The following RSU1 variants were observed in gnomAD, a reference collection of about 807,000 sequenced individuals.
RSU1 encodes the protein rsu-1.
Under a neutral mutation model 31.1 loss-of-function variants are expected in RSU1, and 26 were observed. That is an observed-to-expected ratio of 0.84 (90% CI 0.61 to 1.16). RSU1 has a LOEUF of 1.16. RSU1 is among the 50% of genes most tolerant of loss of function. The probability of loss-of-function intolerance (pLI) is 0.00; values close to 1 mark genes in which losing one functional copy is unlikely to be tolerated. For missense variants in RSU1, 320 were observed against 339.1 expected (o/e 0.94, Z 0.44); for synonymous variants, 164 against 136.3 (o/e 1.20, Z -1.41).
chr10:16,707,215 G>C (rs991629273), intron 7 of RSU1, among the ~76,000 whole-genome samples: 3 of 152,148 alleles, frequency 2.0e-5, no homozygotes, highest in Non-Finnish European at 2.9e-5. Flanking sequence ...GGGAGTTGAA[G>C]TTTTCTCTTC....
intron 8 of RSU1, among the ~76,000 whole-genome samples, chr10:16,620,106 C>T (rs181694752): frequency 8.4e-4 from 128 of 152,222 alleles, no homozygotes; most frequent in African/African-American, 2.8e-3. Context: ...AAATATTCTG[C>T]TTTATCAGAA....
At chr10:16,817,239 T>TGGGGTAGGGCCGG in intron 1 of RSU1, 76 bp downstream of exon 1, 1 of 607,102 alleles carries the variant, frequency 1.6e-6, no homozygotes, top group Non-Finnish European at 3.0e-6. Flanking sequence ...GGGGAGGGGA[T>TGGGGTAGGGCCGG]GGAGTGGGAA....
chr10:16,745,243 G>A (rs539353659), intron 7 of RSU1, among the ~76,000 whole-genome samples: 1 of 152,288 alleles, frequency 6.6e-6, no homozygotes, highest in African/African-American at 2.4e-5. Flanking sequence ...CTGAGCAGCT[G>A]TACTCATTCC....
intron 7 of RSU1, among the ~76,000 whole-genome samples, chr10:16,732,718 C>T (rs1430114501): frequency 6.6e-6 from 1 of 152,228 alleles, no homozygotes; most frequent in Non-Finnish European, 1.5e-5. Context: ...ACTGCAGTGA[C>T]ACCTGGTGTT....
At chr10:16,657,673 G>A (rs760747015) in intron 8 of RSU1, among the ~76,000 whole-genome samples, 1 of 151,410 alleles carries the variant, frequency 6.6e-6, no homozygotes, top group Non-Finnish European at 1.5e-5. Context: ...CCTCCAGACA[G>A]CTTTGAACCC....
At chr10:16,607,978 A>C (rs747302080) in intron 8 of RSU1, among the ~76,000 whole-genome samples, 6 of 152,128 alleles carry the variant, frequency 3.9e-5, no homozygotes, top group Non-Finnish European at 7.4e-5. Context: ...TTACAGGCAC[A>C]TACCACCACA....
At chr10:16,645,755 C>T (rs144627580) in intron 8 of RSU1, among the ~76,000 whole-genome samples, 3,472 of 149,840 alleles carry the variant, frequency 0.023, 75 homozygotes, top group Middle Eastern at 0.038. Flanking sequence ...TGCAGTAAGC[C>T]GAGATCACGC....
chr10:16,773,474 G>A (rs1480242449), intron 3 of RSU1, among the ~76,000 whole-genome samples: 2 of 152,138 alleles, frequency 1.3e-5, no homozygotes, highest in Non-Finnish European at 2.9e-5. Context: ...AGAGCCACAG[G>A]AACGCTTCGT....
At chr10:16,711,137 A>AGTTT (rs1477263375) in intron 7 of RSU1, among the ~76,000 whole-genome samples, 20 of 152,164 alleles carry the variant, frequency 1.3e-4, no homozygotes, top group African/African-American at 4.8e-4. Flanking sequence ...ATTGAATCTC[A>AGTTT]GTAGTTTGTA....
At chr10:16,665,145 T>C (rs1834964646) in intron 8 of RSU1, among the ~76,000 whole-genome samples, 2 of 152,266 alleles carry the variant, frequency 1.3e-5, no homozygotes, top group Admixed American at 1.3e-4. Flanking sequence ...GGTTTCGTCA[T>C]GTTGGCCAGG....
intron 2 of RSU1, among the ~76,000 whole-genome samples, chr10:16,794,258 C>CAT (rs753448809): frequency 2.6e-5 from 4 of 152,078 alleles, no homozygotes; most frequent in Non-Finnish European, 4.4e-5. Context: ...AATAAATCTC[C>CAT]ATATATATAT....
intron 2 of RSU1, among the ~76,000 whole-genome samples, chr10:16,793,002 C>G (rs1393938716): frequency 6.6e-6 from 1 of 152,212 alleles, no homozygotes; most frequent in African/African-American, 2.4e-5. Context: ...GACACAGATT[C>G]TGATCTACTT....
chr10:16,656,538 G>A (rs1232801526), intron 8 of RSU1, among the ~76,000 whole-genome samples: 1 of 152,178 alleles, frequency 6.6e-6, no homozygotes, highest in African/African-American at 2.4e-5. Flanking sequence ...ATTTTAAGGT[G>A]TCAACCAGGG....
At chr10:16,619,085 T>C (rs1190519967) in intron 8 of RSU1, among the ~76,000 whole-genome samples, 1 of 152,190 alleles carries the variant, frequency 6.6e-6, no homozygotes, top group Admixed American at 6.5e-5. Flanking sequence ...AATGATTCCC[T>C]TAGAGGACAA....
Position 16,788,458 on chromosome 10 carries a change from A to G in RSU1, c.110-6374T>C, listed in dbSNP as rs367867288. ...GTGCCTTCATAAGAGGAGACATGTG[A>G]GACACGATCTCTTTCTCCACTGGGT... On this transcript the variant is annotated intron_variant, in intron 2 of 8. Coordinates refer to ENST00000345264, the MANE Select transcript of RSU1 (RefSeq NM_012425.4). 4.6e-5 allele frequency among the ~76,000 whole-genome samples: 7 copies of G among 152,286 alleles called. No homozygotes were observed. The East Asian group carries it at 1.4e-3, about 30-fold the overall frequency.
intron 7 of RSU1, among the ~76,000 whole-genome samples, chr10:16,734,515 C>T (rs1836584756): frequency 6.6e-6 from 1 of 152,186 alleles, no homozygotes; most frequent in African/African-American, 2.4e-5. Context: ...CATCTTAAAA[C>T]TCTCCAAATT....
intron 8 of RSU1, among the ~76,000 whole-genome samples, chr10:16,650,405 C>CCA (rs1249038414): frequency 7.2e-5 from 11 of 152,100 alleles, no homozygotes; most frequent in Non-Finnish European, 1.3e-4. Context: ...ATCAAACCTG[C>CCA]CACACAGTAG....
At chr10:16,748,788 T>C (rs1316372198) in intron 7 of RSU1, among the ~76,000 whole-genome samples, 1 of 152,104 alleles carries the variant, frequency 6.6e-6, no homozygotes, top group Admixed American at 6.5e-5. Flanking sequence ...TTTAAGTCTC[T>C]GCATAAAGGG....
chr10:16,610,800 CTG>C (rs1221642512), intron 8 of RSU1, among the ~76,000 whole-genome samples: 8 of 152,212 alleles, frequency 5.3e-5, no homozygotes, highest in African/African-American at 1.9e-4. Flanking sequence ...CATGGAAAAA[CTG>C]TCTTCTACAA....
Sources: gnomAD v4.1 joint callset for allele counts (sites outside exome capture counted in the v4.1 genomes callset) on GRCh38, gnomAD v4.1.1 for gene constraint, MANE v1.5 for transcripts, NCBI Gene and HGNC (gene_info 2026-07-23, HGNC 2026-07-21) for gene names.